The following GPR55 variants were observed in gnomAD, a reference collection of about 807,000 sequenced individuals.
The protein encoded by GPR55 is G-protein coupled receptor 55.
A neutral mutation model predicts 7.9 loss-of-function variants in GPR55; 6 were observed. The observed-to-expected ratio is 0.76, with a 90% CI of 0.41 to 1.49. GPR55 has a LOEUF of 1.49. Ranked by LOEUF, GPR55 falls within the 40% of genes most tolerant of loss-of-function variation. The pLI is 0.01. For synonymous variants in GPR55, 183 were observed against 166.8 expected (o/e 1.10, Z -0.75); for missense variants, 376 against 406.0 (o/e 0.93, Z 0.63).
chr2:230,936,547 A>G (rs758911297), intron 1 of GPR55, among the ~76,000 whole-genome samples: 1 of 152,136 alleles, frequency 6.6e-6, no homozygotes, highest in Non-Finnish European at 1.5e-5. Context: ...AGTCAATTAA[A>G]CCTGTTTTCT....
At position 230,910,340 on chromosome 2, in the gene GPR55, A is replaced by G; in HGVS notation, c.623T>C (p.Leu208Pro). ...CTGGGTGTGGTCTCGGCGGCCCAGCAGGATGTGGATGCTCCTGGAGCAGCA... is the reference window on the plus strand; with the variant it reads ...CTGGGTGTGGTCTCGGCGGCCCAGCGGGATGTGGATGCTCCTGGAGCAGCA... ...GFCCSRSIHI[L>P]LGRRDHTQDW... The change falls in exon 2 of 2, where the codon CTG (leucine) becomes CCG (proline). Residue 208 changes from leucine (L) to proline (P), a missense_variant. Coordinates refer to ENST00000650999, the MANE Select transcript of GPR55 (RefSeq NM_005683.4). This position sits in a 1 kb window ranked among gnomAD's most constrained non-coding sequence, Gnocchi z 5.4. The G allele has an allele frequency of 6.2e-7, 1 of 1,613,438 alleles. No individual in the cohort carries two copies. Among genetic ancestry groups the G allele is most frequent in the Non-Finnish European group, 8.5e-7 (1 of 1,179,774 alleles).
intron 1 of GPR55, among the ~76,000 whole-genome samples, chr2:230,916,264 G>A (rs545917081): frequency 1.3e-5 from 2 of 152,166 alleles, no homozygotes; most frequent in Admixed American, 6.5e-5. Flanking sequence ...GCTCGTGCCT[G>A]TAGTCCCCAA....
intron 1 of GPR55, among the ~76,000 whole-genome samples, chr2:230,931,684 A>G (rs1041633861): frequency 2.6e-5 from 4 of 152,006 alleles, no homozygotes; most frequent in African/African-American, 9.7e-5. Context: ...GCCCCACTTC[A>G]CAGTCTGGCC....
At chr2:230,941,625 A>G (rs1257652323) in intron 1 of GPR55, among the ~76,000 whole-genome samples, 1 of 152,124 alleles carries the variant, frequency 6.6e-6, no homozygotes, top group Non-Finnish European at 1.5e-5. Flanking sequence ...GAGGAAGCTC[A>G]GGGACAAATG....
chr2:230,941,398 G>T (rs1377102302), intron 1 of GPR55, among the ~76,000 whole-genome samples: 1 of 152,218 alleles, frequency 6.6e-6, no homozygotes, highest in Non-Finnish European at 1.5e-5. Context: ...AACCCAGGGT[G>T]GTATCCTGGG....
At chr2:230,921,362 G>C (rs897984717) in intron 1 of GPR55, among the ~76,000 whole-genome samples, 1 of 152,154 alleles carries the variant, frequency 6.6e-6, no homozygotes, top group Non-Finnish European at 1.5e-5. Context: ...AAGGGTCTAT[G>C]CTCTCTTTAG....
chr2:230,959,997 A>T (rs1348034244), intron 1 of GPR55, among the ~76,000 whole-genome samples: 1 of 152,332 alleles, frequency 6.6e-6, no homozygotes, highest in South Asian at 2.1e-4. Flanking sequence ...GCCCGTCCCT[A>T]TCAGAGCCTG....
At chr2:230,932,343 G>C (rs1171162731) in intron 1 of GPR55, among the ~76,000 whole-genome samples, 1 of 152,186 alleles carries the variant, frequency 6.6e-6, no homozygotes, top group African/African-American at 2.4e-5. Flanking sequence ...CGGCTGGATG[G>C]ATATTGTTTC....
intron 1 of GPR55, among the ~76,000 whole-genome samples, chr2:230,956,659 A>G (rs1463410765): frequency 6.6e-6 from 1 of 152,230 alleles, no homozygotes; most frequent in Non-Finnish European, 1.5e-5. Flanking sequence ...TACATAACCC[A>G]ATACCATGAT....
chr2:230,949,865 C>T (rs771238448), intron 1 of GPR55, among the ~76,000 whole-genome samples: 15 of 151,842 alleles, frequency 9.9e-5, no homozygotes, highest in Non-Finnish European at 1.5e-4. Flanking sequence ...ACAAGAGTCT[C>T]GCTCTGTCAC....
At chr2:230,933,302 C>T (rs1177579693) in intron 1 of GPR55, among the ~76,000 whole-genome samples, 1 of 152,136 alleles carries the variant, frequency 6.6e-6, no homozygotes, top group Non-Finnish European at 1.5e-5. Flanking sequence ...GCAGACTGCT[C>T]CACTGCCCCA....
upstream of GPR55, among the ~76,000 whole-genome samples, chr2:230,926,940 C>T (rs1157394528): frequency 1.3e-5 from 2 of 152,056 alleles, no homozygotes; most frequent in African/African-American, 2.4e-5. Context: ...ATTCACCCAC[C>T]TCGGCCTCCC....
chr2:230,918,193 T>C (rs1690758242), intron 1 of GPR55, among the ~76,000 whole-genome samples: 1 of 152,136 alleles, frequency 6.6e-6, no homozygotes, highest in African/African-American at 2.4e-5. Context: ...AACGAAGCAA[T>C]ACCTATATCT....
intron 1 of GPR55, among the ~76,000 whole-genome samples, chr2:230,918,596 C>G (rs931287297): frequency 2.0e-5 from 3 of 152,106 alleles, no homozygotes; most frequent in Non-Finnish European, 4.4e-5. Context: ...AATAGCGAAA[C>G]TCAGCACAAA....
rs1690545325 is a variant in GPR55, at chr2:230,909,947, T to C, written c.*56A>G. 1.3e-6 allele frequency: 2 copies of C among 1,534,992 alleles called. No individual in the cohort carries two copies. Among genetic ancestry groups the C allele is most frequent in the Admixed American group, 1.8e-5 (1 of 54,816 alleles). On this transcript the variant is annotated 3_prime_UTR_variant, in exon 2 of 2. Coordinates refer to ENST00000650999, the MANE Select transcript of GPR55 (RefSeq NM_005683.4). ...CACATCAAAACCCTGGAACGCGATA[T>C]CCGTTACCAGAATTCAGGGCCAGGG...
At chr2:230,919,323 C>T (rs925696408) in intron 1 of GPR55, among the ~76,000 whole-genome samples, 33 of 152,084 alleles carry the variant, frequency 2.2e-4, no homozygotes, top group African/African-American at 7.2e-4. Context: ...AAAAAAAATT[C>T]TTTTTGCTAA....
At chr2:230,916,359 CA>C (rs773896972) in intron 1 of GPR55, among the ~76,000 whole-genome samples, 43 of 141,552 alleles carry the variant, frequency 3.0e-4, no homozygotes, top group African/African-American at 8.8e-4. Flanking sequence ...CCATCTCTAC[CA>C]AAAAAAAAAC....
chr2:230,948,642 T>C (rs1027915128), intron 1 of GPR55, among the ~76,000 whole-genome samples: 1 of 152,236 alleles, frequency 6.6e-6, no homozygotes, highest in South Asian at 2.1e-4. Flanking sequence ...ATTCCTTCCA[T>C]GCCAGTGCAG....
intron 1 of GPR55, among the ~76,000 whole-genome samples, chr2:230,940,073 C>G (rs989704768): frequency 6.6e-6 from 1 of 152,160 alleles, no homozygotes; most frequent in Non-Finnish European, 1.5e-5. Context: ...ACGTGGCCCC[C>G]CTGGAGTCCT....
Sources: gnomAD v4.1 joint callset for allele counts (sites outside exome capture counted in the v4.1 genomes callset) on GRCh38, gnomAD v4.1.1 for gene constraint, Gnocchi (gnomAD v3.1) non-coding constraint, MANE v1.5 for transcripts, NCBI Gene and HGNC (gene_info 2026-07-23, HGNC 2026-07-21) for gene names.